LRBA: variants seen among roughly 807,000 people sequenced by gnomAD.
LRBA encodes the protein lipopolysaccharide-responsive and beige-like anchor protein.
In LRBA, 176 loss-of-function variants were observed where a neutral mutation model predicts 330.0. The observed-to-expected ratio is 0.53, with a 90% CI of 0.47 to 0.60. The LOEUF (loss-of-function observed/expected upper bound fraction) is 0.60. Ranked by LOEUF, LRBA falls within the 20% of genes least tolerant of loss-of-function variation. The probability of loss-of-function intolerance (pLI) is 0.00; values close to 1 mark genes in which losing one functional copy is unlikely to be tolerated. For missense variants in LRBA, 3,259 were observed against 3,444.8 expected (o/e 0.95, Z 1.35); for synonymous variants, 1,230 against 1,193.0 (o/e 1.03, Z -0.64).
chr4:150,276,963 A>T (rs545124405), intron 56 of LRBA, among the ~76,000 whole-genome samples: 4 of 152,226 alleles, frequency 2.6e-5, no homozygotes, highest in Non-Finnish European at 4.4e-5. Context: ...TAGTATAAAG[A>T]CACATGCACA....
At chr4:150,577,356 C>A (rs1770672679) in intron 40 of LRBA, among the ~76,000 whole-genome samples, 1 of 151,184 alleles carries the variant, frequency 6.6e-6, no homozygotes, top group Admixed American at 6.6e-5. Context: ...ATTCAGAGAA[C>A]TTAATAGTGT....
chr4:150,797,127 A>G (rs1740897606), intron 34 of LRBA, among the ~76,000 whole-genome samples: 1 of 151,966 alleles, frequency 6.6e-6, no homozygotes, highest in African/African-American at 2.4e-5. Flanking sequence ...GATTTTTCAC[A>G]CCTTCTATGA....
chr4:150,282,317 A>AT, intron 55 of LRBA, 133 bp downstream of exon 55: 4 of 746,906 alleles, frequency 5.4e-6, no homozygotes, highest in Non-Finnish European at 9.1e-6. Flanking sequence ...CTACCTAAAG[A>AT]TTTTTTGTTG....
chr4:151,006,733 A>G (rs1579477542), intron 2 of LRBA, among the ~76,000 whole-genome samples: 1 of 152,196 alleles, frequency 6.6e-6, no homozygotes, highest in Non-Finnish European at 1.5e-5. Flanking sequence ...ATGATTTCTC[A>G]GTTTAAAATA....
chr4:150,321,362 A>G lies in LRBA; in HGVS notation c.7459T>C (p.Leu2487=), dbSNP rs530338255. ...PRGSAMQVSP[L]MFTDKAQQDV... is the part of the protein sequence containing the mutation. ...TGCTGGGCTTTGTCTGTGAACATCA[A>G]TGGACTCTGCAGGAGGAGATACTGT... The change falls in exon 50 of 57, where the codon TTG becomes CTG. Residue 2487 remains leucine (L), a synonymous_variant. Coordinates refer to ENST00000651943, the MANE Select transcript of LRBA (RefSeq NM_001364905.1). This position sits in a 1 kb window ranked among gnomAD's most constrained non-coding sequence, Gnocchi z 4.5. 8.1e-6 allele frequency: 13 copies of G among 1,596,986 alleles called. No individual in the cohort carries two copies. Among genetic ancestry groups the G allele is most frequent in the East Asian group, 2.3e-5 (1 of 43,754 alleles).
chr4:150,551,197 C>T (rs1285656177), intron 40 of LRBA, among the ~76,000 whole-genome samples: 1 of 152,192 alleles, frequency 6.6e-6, no homozygotes. Context: ...GTACTGGCAC[C>T]ATGCTCTTAG....
intron 37 of LRBA, among the ~76,000 whole-genome samples, chr4:150,669,507 A>G (rs922832821): frequency 3.9e-5 from 6 of 151,958 alleles, no homozygotes; most frequent in South Asian, 2.1e-4. Context: ...CATGAACTTT[A>G]TATTTTTGGA....
intron 2 of LRBA, among the ~76,000 whole-genome samples, chr4:151,008,809 C>T (rs1308092945): frequency 6.7e-6 from 1 of 149,940 alleles, no homozygotes; most frequent in African/African-American, 2.5e-5. Flanking sequence ...GCCATCTCTA[C>T]CAAAAATACA....
intron 2 of LRBA, among the ~76,000 whole-genome samples, chr4:151,010,887 T>TA (rs781407120): frequency 0.14 from 10,755 of 77,360 alleles, 712 homozygotes; most frequent in South Asian, 0.35. Flanking sequence ...CCCTCTCAAT[T>TA]AAAAAAAAAA....
At chr4:150,272,723 A>AGTT (rs754975461) in intron 56 of LRBA, among the ~76,000 whole-genome samples, 9 of 151,976 alleles carry the variant, frequency 5.9e-5, no homozygotes, top group Non-Finnish European at 1.0e-4. Flanking sequence ...CAGAGATTGA[A>AGTT]GATCAACTTA....
chr4:150,809,138 A>G (rs150208911), intron 31 of LRBA, among the ~76,000 whole-genome samples: 14 of 152,346 alleles, frequency 9.2e-5, no homozygotes, highest in African/African-American at 3.4e-4. Flanking sequence ...TGTAGAATTC[A>G]TATCTATATG....
intron 40 of LRBA, among the ~76,000 whole-genome samples, chr4:150,544,662 C>T (rs1765673153): frequency 6.6e-6 from 1 of 152,132 alleles, no homozygotes; most frequent in Non-Finnish European, 1.5e-5. Flanking sequence ...GGCATGTAAG[C>T]TCTGTAACAT....
At chr4:150,766,983 C>A (rs1477766626) in intron 34 of LRBA, among the ~76,000 whole-genome samples, 1 of 152,014 alleles carries the variant, frequency 6.6e-6, no homozygotes, top group African/African-American at 2.4e-5. Context: ...CTTACTGATG[C>A]TTTTAAGTCA....
intron 36 of LRBA, among the ~76,000 whole-genome samples, chr4:150,729,453 T>C (rs958134775): frequency 1.3e-5 from 2 of 152,026 alleles, no homozygotes; most frequent in African/African-American, 4.8e-5. Context: ...TGGTGAAAGA[T>C]CTCTATAATA....
intron 31 of LRBA, among the ~76,000 whole-genome samples, chr4:150,816,486 T>C (rs1347756992): frequency 6.6e-6 from 1 of 151,944 alleles, no homozygotes; most frequent in Non-Finnish European, 1.5e-5. Flanking sequence ...TCCATATATA[T>C]GCTTTTATAC....
chr4:150,722,876 T>G (rs1022320738), intron 36 of LRBA, among the ~76,000 whole-genome samples: 4 of 152,086 alleles, frequency 2.6e-5, no homozygotes, highest in African/African-American at 7.2e-5. Flanking sequence ...GGCCATGCAC[T>G]GCAGACAGAA....
At chr4:150,462,576 T>C (rs948188342) in intron 44 of LRBA, among the ~76,000 whole-genome samples, 48 of 151,800 alleles carry the variant, frequency 3.2e-4, no homozygotes, top group Non-Finnish European at 5.6e-4. Flanking sequence ...TAATTCAGCT[T>C]CAGAAAGAGA....
chr4:150,926,628 A>G (rs371983270), intron 4 of LRBA, among the ~76,000 whole-genome samples: 8 of 152,328 alleles, frequency 5.3e-5, no homozygotes, highest in African/African-American at 1.9e-4. Flanking sequence ...AAGGAGCAAA[A>G]TCAATGAGTA....
chr4:150,327,614 G>A (rs1220828448), intron 48 of LRBA, among the ~76,000 whole-genome samples: 1 of 152,174 alleles, frequency 6.6e-6, no homozygotes, highest in Non-Finnish European at 1.5e-5. Context: ...ACACTTATCT[G>A]CTGTTTGACT....
Sources: gnomAD v4.1 joint callset for allele counts (sites outside exome capture counted in the v4.1 genomes callset) on GRCh38, gnomAD v4.1.1 for gene constraint, Gnocchi (gnomAD v3.1) non-coding constraint, MANE v1.5 for transcripts, NCBI Gene and HGNC (gene_info 2026-07-23, HGNC 2026-07-21) for gene names.